The following CSMD3 variants were observed in gnomAD, a reference collection of about 807,000 sequenced individuals.
The protein encoded by CSMD3 is CUB and Sushi multiple domains 3, also known as CUB and sushi domain-containing protein 3.
A neutral mutation model predicts 435.2 loss-of-function variants in CSMD3; 177 were observed. That is an observed-to-expected ratio of 0.41 (90% confidence interval 0.36 to 0.46). The LOEUF (loss-of-function observed/expected upper bound fraction) is 0.46. CSMD3 is among the 20% of genes least tolerant of loss of function. The probability of loss-of-function intolerance (pLI) is 0.34; values close to 1 mark genes in which losing one functional copy is unlikely to be tolerated. For synonymous variants in CSMD3, 1,656 were observed against 1,520.5 expected (o/e 1.09, Z -2.07); for missense variants, 4,265 against 4,504.6 (o/e 0.95, Z 1.52).
intron 30 of CSMD3, among the ~76,000 whole-genome samples, chr8:112,501,236 A>G (rs570481719): frequency 8.1e-4 from 123 of 152,190 alleles, no homozygotes; most frequent in African/African-American, 2.8e-3. Context: ...TTTGTAATAT[A>G]GAGTAATAAT....
intron 12 of CSMD3, among the ~76,000 whole-genome samples, chr8:112,820,837 C>A (rs868736771): frequency 6.6e-6 from 1 of 152,052 alleles, no homozygotes; most frequent in Non-Finnish European, 1.5e-5. Context: ...CCAACCAGTT[C>A]TGGTGTGTGT....
intron 27 of CSMD3, among the ~76,000 whole-genome samples, chr8:112,523,659 A>G (rs1824545236): frequency 6.6e-6 from 1 of 152,058 alleles, no homozygotes; most frequent in Non-Finnish European, 1.5e-5. Flanking sequence ...CAAATCAATT[A>G]GAAAATATTT....
intron 1 of CSMD3, among the ~76,000 whole-genome samples, chr8:113,384,125 A>G (rs1002683470): frequency 6.6e-6 from 1 of 152,152 alleles, no homozygotes; most frequent in East Asian, 1.9e-4. Context: ...ACTTTAGCTC[A>G]TGTCCCCTCC....
chr8:113,340,235 T>C (rs1303590150), intron 1 of CSMD3, among the ~76,000 whole-genome samples: 2 of 152,142 alleles, frequency 1.3e-5, no homozygotes, highest in African/African-American at 4.8e-5. Context: ...CCTTGATTAT[T>C]AGAGTCAATT....
chr8:112,843,124 C>T (rs2080227845), intron 11 of CSMD3, among the ~76,000 whole-genome samples: 1 of 151,798 alleles, frequency 6.6e-6, no homozygotes. Context: ...TTTCTTTATA[C>T]TTCTCTGTGC....
At chr8:113,051,958 T>A (rs907697684) in intron 5 of CSMD3, among the ~76,000 whole-genome samples, 5 of 152,074 alleles carry the variant, frequency 3.3e-5, no homozygotes, top group Non-Finnish European at 7.4e-5. Context: ...TTTTACATTA[T>A]AATACATTTG....
chr8:112,434,715 A>T (rs546791636), intron 32 of CSMD3, among the ~76,000 whole-genome samples: 1 of 152,102 alleles, frequency 6.6e-6, no homozygotes, highest in African/African-American at 2.4e-5. Context: ...GGAACCATCA[A>T]TGTGTTCACA....
chr8:112,622,145 T>C (rs983678402), intron 22 of CSMD3, among the ~76,000 whole-genome samples: 2 of 152,182 alleles, frequency 1.3e-5, no homozygotes, highest in Non-Finnish European at 2.9e-5. Context: ...TGGGATCTTA[T>C]TAGGGAATAC....
At chr8:112,227,875 T>C (rs1193109831) in intron 70 of CSMD3, among the ~76,000 whole-genome samples, 1 of 152,038 alleles carries the variant, frequency 6.6e-6, no homozygotes, top group Non-Finnish European at 1.5e-5. Flanking sequence ...ACCCCGTCTC[T>C]ACTAAAAATA....
chr8:112,317,287 T>C (rs568162989), intron 47 of CSMD3, among the ~76,000 whole-genome samples: 5 of 152,036 alleles, frequency 3.3e-5, no homozygotes, highest in Non-Finnish European at 5.9e-5. Flanking sequence ...ATATCTAGCT[T>C]ATCTGAATGT....
At chr8:112,744,372 G>A (rs1310880380) in intron 13 of CSMD3, among the ~76,000 whole-genome samples, 1 of 152,040 alleles carries the variant, frequency 6.6e-6, no homozygotes, top group Admixed American at 6.6e-5. Flanking sequence ...GAACAGTACT[G>A]ATTTGAAATA....
chr8:113,406,880 T>G (rs918377299), intron 1 of CSMD3, among the ~76,000 whole-genome samples: 2 of 152,086 alleles, frequency 1.3e-5, no homozygotes, highest in Non-Finnish European at 1.5e-5. Context: ...CTGCAAGTGT[T>G]TCAAAAACTC....
At chr8:112,913,562 T>C (rs543579795) in intron 10 of CSMD3, among the ~76,000 whole-genome samples, 1 of 152,066 alleles carries the variant, frequency 6.6e-6, no homozygotes, top group South Asian at 2.1e-4. Context: ...CTTTTAAAAC[T>C]CTTGGCGCCC....
intron 53 of CSMD3, 91 bp from the exon 54 acceptor site, chr8:112,296,097 G>GGT: frequency 9.6e-7 from 1 of 1,044,858 alleles, no homozygotes; most frequent in Non-Finnish European, 1.4e-6. Flanking sequence ...AACCTTTAAA[G>GGT]TTGTCTTAAA....
At chr8:112,524,606 G>A (rs1824663354) in intron 27 of CSMD3, among the ~76,000 whole-genome samples, 1 of 151,792 alleles carries the variant, frequency 6.6e-6, no homozygotes, top group Admixed American at 6.6e-5. Context: ...AATAACATGT[G>A]TATCAAAATC....
chr8:112,549,283 A>G (rs533147925), intron 27 of CSMD3, among the ~76,000 whole-genome samples: 11 of 152,210 alleles, frequency 7.2e-5, no homozygotes, highest in African/African-American at 2.4e-4. Flanking sequence ...ATATACAAAT[A>G]TGAAGAATAT....
chr8:112,726,630 C>T (rs557851899), intron 13 of CSMD3, among the ~76,000 whole-genome samples: 3 of 151,780 alleles, frequency 2.0e-5, no homozygotes, highest in Non-Finnish European at 2.9e-5. Context: ...TGGATTTAGG[C>T]TGTCTTTTGG....
intron 12 of CSMD3, among the ~76,000 whole-genome samples, chr8:112,824,512 C>T (rs2079620137): frequency 6.6e-6 from 1 of 152,138 alleles, no homozygotes; most frequent in Non-Finnish European, 1.5e-5. Context: ...GTGACAAAAT[C>T]CCTCAGCATT....
intron 24 of CSMD3, 94 bp from the exon 25 acceptor site, chr8:112,557,048 T>C: frequency 1.3e-6 from 1 of 787,622 alleles, no homozygotes. Flanking sequence ...TTTTGATGAT[T>C]ACATACTTAT....
Sources: gnomAD v4.1 joint callset for allele counts (sites outside exome capture counted in the v4.1 genomes callset) on GRCh38, gnomAD v4.1.1 for gene constraint, MANE v1.5 for transcripts, NCBI Gene and HGNC (gene_info 2026-07-23, HGNC 2026-07-21) for gene names.